Variants in PTCHD4 observed in about 807,000 individuals in gnomAD.
PTCHD4 encodes patched domain-containing protein 4.
Under a neutral mutation model 58.1 loss-of-function variants are expected in PTCHD4, and 33 were observed. That is an observed-to-expected ratio of 0.57 (90% CI 0.43 to 0.76). The LOEUF is 0.76. Ranked by LOEUF, PTCHD4 falls within the 30% of genes least tolerant of loss-of-function variation. The probability of loss-of-function intolerance (pLI) is 0.00; values close to 1 mark genes in which losing one functional copy is unlikely to be tolerated. For synonymous variants in PTCHD4, 478 were observed against 409.6 expected (o/e 1.17, Z -2.02); for missense variants, 1,058 against 1,027.1 (o/e 1.03, Z -0.41).
intron 4 of PTCHD4, among the ~76,000 whole-genome samples, chr6:47,911,158 A>G (rs1765055657): frequency 6.6e-6 from 1 of 152,158 alleles, no homozygotes; most frequent in African/African-American, 2.4e-5. Flanking sequence ...GTCTTCAGCT[A>G]GCTTTGGTCA....
intron 3 of PTCHD4, among the ~76,000 whole-genome samples, chr6:48,024,433 A>G (rs143837426): frequency 6.6e-6 from 1 of 152,280 alleles, no homozygotes; most frequent in African/African-American, 2.4e-5. Flanking sequence ...TTTGAAAGGC[A>G]GACTCTGCCT....
intron 1 of PTCHD4, among the ~76,000 whole-genome samples, chr6:48,103,796 T>C (rs1765659431): frequency 6.6e-6 from 1 of 152,128 alleles, no homozygotes; most frequent in South Asian, 2.1e-4. Context: ...CAGAACTACG[T>C]GATGAATGCA....
chr6:48,061,928 A>G (rs1404691975), intron 3 of PTCHD4, among the ~76,000 whole-genome samples: 2 of 152,182 alleles, frequency 1.3e-5, no homozygotes, highest in Non-Finnish European at 2.9e-5. Flanking sequence ...CTGCTGTCCA[A>G]TCAAAAGGTG....
chr6:47,976,313 T>G (rs891483647), intron 4 of PTCHD4, among the ~76,000 whole-genome samples: 2 of 152,144 alleles, frequency 1.3e-5, no homozygotes, highest in African/African-American at 2.4e-5. Flanking sequence ...GAAAGTCTGC[T>G]AAAATCTCAA....
chr6:47,950,841 A>G (rs1766618189), intron 4 of PTCHD4, among the ~76,000 whole-genome samples: 1 of 152,154 alleles, frequency 6.6e-6, no homozygotes, highest in African/African-American at 2.4e-5. Flanking sequence ...AACCATAAAA[A>G]GGGGATAAGA....
chr6:47,945,764 A>G (rs1223098652), intron 4 of PTCHD4, among the ~76,000 whole-genome samples: 1 of 151,812 alleles, frequency 6.6e-6, no homozygotes, highest in East Asian at 1.9e-4. Context: ...ATTATAAATT[A>G]TTAATTTAAT....
chr6:47,968,897 T>C (rs1767399362), intron 4 of PTCHD4, among the ~76,000 whole-genome samples: 1 of 152,194 alleles, frequency 6.6e-6, no homozygotes, highest in African/African-American at 2.4e-5. Context: ...CTGTACATTA[T>C]TCACTGATTT....
At chr6:47,893,147 A>C (rs1322510314) in intron 4 of PTCHD4, among the ~76,000 whole-genome samples, 1 of 152,126 alleles carries the variant, frequency 6.6e-6, no homozygotes, top group Non-Finnish European at 1.5e-5. Flanking sequence ...AGTAGCTGGG[A>C]CTACAGGCGT....
chr6:48,031,834 G>A (rs1056540322), intron 3 of PTCHD4, among the ~76,000 whole-genome samples: 6 of 152,014 alleles, frequency 3.9e-5, no homozygotes, highest in Non-Finnish European at 7.4e-5. Flanking sequence ...TATAAGACAT[G>A]GGCTTAAAAT....
intron 4 of PTCHD4, among the ~76,000 whole-genome samples, chr6:47,929,902 C>T (rs1020810177): frequency 2.0e-5 from 3 of 152,190 alleles, no homozygotes; most frequent in African/African-American, 7.2e-5. Flanking sequence ...AATCGGAGAC[C>T]ATGCTAGACA....
chr6:47,860,047 A>G lies in PTCHD4; in HGVS notation c.*18256T>C, dbSNP rs1763387601. Among the ~76,000 whole-genome samples the G allele has an allele frequency of 6.6e-6, 1 of 152,044 alleles. No homozygotes were observed. Among genetic ancestry groups the G allele is most frequent in the Non-Finnish European group, 1.5e-5 (1 of 67,960 alleles). On this transcript the variant is annotated 3_prime_UTR_variant, in exon 5 of 5. Coordinates refer to ENST00000339488, the MANE Select transcript of PTCHD4 (RefSeq NM_001384253.1). ...GAAGAGATGGTTCTTTTGTTTAGGC[A>G]GATAAAATGCCTTCTTCAAGGCCTA...
At chr6:48,047,030 G>A (rs1764058855) in intron 3 of PTCHD4, among the ~76,000 whole-genome samples, 1 of 151,818 alleles carries the variant, frequency 6.6e-6, no homozygotes, top group South Asian at 2.1e-4. Context: ...CACTATGAGA[G>A]CCTGAATATT....
intron 4 of PTCHD4, among the ~76,000 whole-genome samples, chr6:47,962,675 C>A (rs1208799144): frequency 1.3e-5 from 2 of 152,170 alleles, no homozygotes; most frequent in African/African-American, 2.4e-5. Flanking sequence ...TTTCCTGAGG[C>A]CTCCTCAGCC....
At chr6:48,006,029 C>T (rs75621727) in intron 4 of PTCHD4, among the ~76,000 whole-genome samples, 9,189 of 152,132 alleles carry the variant, frequency 0.06, 378 homozygotes, top group African/African-American at 0.11. Context: ...AACAAATGCC[C>T]CCTTTATGGA....
At chr6:48,070,021 C>G (rs893056255) in intron 1 of PTCHD4, among the ~76,000 whole-genome samples, 95 bp from the exon 2 acceptor site, 6 of 152,000 alleles carry the variant, frequency 3.9e-5, no homozygotes, top group Non-Finnish European at 8.8e-5. Context: ...AAAGAAAACC[C>G]CCACCAGATA....
chr6:47,974,245 G>T (rs1384247478), intron 4 of PTCHD4, among the ~76,000 whole-genome samples: 3 of 152,178 alleles, frequency 2.0e-5, no homozygotes, highest in African/African-American at 7.2e-5. Flanking sequence ...CATTTTAGCA[G>T]CAGGGAAATG....
chr6:47,963,387 G>T (rs1175050638), intron 4 of PTCHD4, among the ~76,000 whole-genome samples: 1 of 151,998 alleles, frequency 6.6e-6, no homozygotes, highest in East Asian at 1.9e-4. Flanking sequence ...CACTACTGGT[G>T]GAAAAATAAA....
intron 1 of PTCHD4, among the ~76,000 whole-genome samples, chr6:48,109,660 T>C (rs888102781): frequency 1.3e-5 from 2 of 151,998 alleles, no homozygotes; most frequent in Non-Finnish European, 2.9e-5. Context: ...ATATATCTGA[T>C]AAGGGATTAA....
intron 3 of PTCHD4, among the ~76,000 whole-genome samples, chr6:48,062,460 C>A (rs1015900679): frequency 2.6e-5 from 4 of 151,994 alleles, no homozygotes; most frequent in African/African-American, 9.7e-5. Flanking sequence ...TATCCCCACC[C>A]CCCACTTTTT....
Sources: allele counts gnomAD v4.1 joint callset (sites outside exome capture counted in the v4.1 genomes callset), GRCh38; gene constraint gnomAD v4.1.1; transcripts MANE v1.5; gene names NCBI Gene and HGNC (gene_info 2026-07-23, HGNC 2026-07-21).